BEND7: variants seen among roughly 807,000 people sequenced by gnomAD.
BEND7 encodes BEN domain-containing protein 7.
In BEND7, 28 loss-of-function variants were observed where a neutral mutation model predicts 50.9. That is an observed-to-expected ratio of 0.55 (90% CI 0.41 to 0.75). The LOEUF (loss-of-function observed/expected upper bound fraction) is 0.75. Among genes scored for constraint, BEND7 ranks in the 30% least tolerant of loss-of-function variants. The probability of loss-of-function intolerance (pLI) is 0.00; values close to 1 mark genes in which losing one functional copy is unlikely to be tolerated. For synonymous variants in BEND7, 170 were observed against 183.9 expected (o/e 0.92, Z 0.61); for missense variants, 477 against 491.3 (o/e 0.97, Z 0.28).
At chr10:13,504,202 G>A (rs754698953) in intron 2 of BEND7, among the ~76,000 whole-genome samples, 4 of 152,194 alleles carry the variant, frequency 2.6e-5, no homozygotes, top group Admixed American at 6.5e-5. Context: ...GTAGAAGCTC[G>A]TTGAGTGTGG....
intron 5 of BEND7, among the ~76,000 whole-genome samples, chr10:13,482,346 C>A (rs894974295): frequency 6.6e-6 from 1 of 152,166 alleles, no homozygotes; most frequent in African/African-American, 2.4e-5. Flanking sequence ...GGAAAAAAGT[C>A]TGAAGAAAAC....
Position 13,502,828 on chromosome 10 carries a change from G to A in BEND7, c.146-2748C>T, listed in dbSNP as rs148877088. ...GACCCCAGGCTCCCTGAACAGAGCA[G>A]CCATAGCCAGGCCACATGGGGCAGA... On this transcript the variant is annotated intron_variant, in intron 2 of 8. Coordinates refer to ENST00000466271, the MANE Select transcript of BEND7 (RefSeq NM_001369863.1). 5.7e-4 allele frequency: 506 copies of A among 882,936 alleles called. 3 individuals are homozygous for A. The African/African-American group carries it at 8.4e-3, about 15-fold the overall frequency. 54.7% of individuals were successfully genotyped at this position (882,936 alleles called of 1,614,324 possible).
intron 6 of BEND7, among the ~76,000 whole-genome samples, chr10:13,455,087 G>A (rs921904870): frequency 3.9e-5 from 6 of 151,920 alleles, no homozygotes; most frequent in Non-Finnish European, 5.9e-5. Context: ...TAGGAGAATC[G>A]CTTGAACCTG....
chr10:13,503,407 TA>T (rs1265114388), intron 2 of BEND7, among the ~76,000 whole-genome samples: 1 of 152,184 alleles, frequency 6.6e-6, no homozygotes, highest in Non-Finnish European at 1.5e-5. Flanking sequence ...TGGCATGTTT[TA>T]AAGGATGGAA....
At chr10:13,482,514 T>C (rs2131764017) in intron 5 of BEND7, among the ~76,000 whole-genome samples, 1 of 152,346 alleles carries the variant, frequency 6.6e-6, no homozygotes, top group South Asian at 2.1e-4. Flanking sequence ...TTTTTGATTT[T>C]GTCCTATCAC....
In BEND7 at chr10:13,452,604, C is replaced by G; in HGVS notation, c.1118G>C (p.Arg373Thr). ...ANHVDKLPGP[R>T]DWVQILQDQI... is the part of the protein sequence containing the mutation. The stretch of plus-strand genomic sequence containing the variant: ...ATCCTGTAGAATCTGTACCCAATCT[C>G]TTGGGCCAGGAAGCTTATCCACATG... The change falls in exon 7 of 9, where the codon AGA becomes ACA. Residue 373 changes from arginine to threonine, a missense_variant. By Grantham distance (71) the Arg-to-Thr change is moderately conservative. Transcript: ENST00000466271. 6.2e-7 allele frequency: 1 copy of G among 1,613,338 alleles called. No individual in the cohort carries two copies. The highest frequency in any genetic ancestry group is 1.1e-5 in the South Asian group (1 of 90,954).
At chr10:13,529,369 A>G (rs1187560956), upstream of BEND7, among the ~76,000 whole-genome samples, 1 of 151,690 alleles carries the variant, frequency 6.6e-6, no homozygotes, top group East Asian at 2.0e-4. Context: ...CCGCCCTCAC[A>G]TCCCGGGCGC....
At chr10:13,449,434 A>G (rs549297146) in intron 7 of BEND7, among the ~76,000 whole-genome samples, 1 of 152,328 alleles carries the variant, frequency 6.6e-6, no homozygotes, top group East Asian at 1.9e-4. Flanking sequence ...ATCTTAACAC[A>G]TAAGGAAAGT....
At chr10:13,523,525 A>G (rs1287633744) in intron 2 of BEND7, among the ~76,000 whole-genome samples, 1 of 152,234 alleles carries the variant, frequency 6.6e-6, no homozygotes, top group Non-Finnish European at 1.5e-5. Flanking sequence ...GAATGTAGAA[A>G]ATCCTATAGA....
chr10:13,449,270 T>C (rs1448653056), intron 7 of BEND7, among the ~76,000 whole-genome samples: 2 of 152,216 alleles, frequency 1.3e-5, no homozygotes, highest in Non-Finnish European at 2.9e-5. Flanking sequence ...CAGATGGTCT[T>C]CATGGTAGTT....
At chr10:13,450,401 G>A (rs1361681765) in intron 7 of BEND7, among the ~76,000 whole-genome samples, 4 of 152,190 alleles carry the variant, frequency 2.6e-5, no homozygotes, top group Non-Finnish European at 4.4e-5. Context: ...AGACCTCTCG[G>A]TTCCTATCGG....
intron 7 of BEND7, 47 bp from the exon 8 acceptor site, chr10:13,447,363 CA>C (rs1836596553): frequency 6.3e-7 from 1 of 1,592,616 alleles, no homozygotes; most frequent in Non-Finnish European, 8.6e-7. Context: ...TTCCAGGGAG[CA>C]CATTCATTTT....
chr10:13,485,258 G>A (rs2076141770), intron 5 of BEND7, among the ~76,000 whole-genome samples: 1 of 152,090 alleles, frequency 6.6e-6, no homozygotes. Flanking sequence ...TATTAGTAAG[G>A]TATTAATAAG....
chr10:13,509,741 G>A lies in BEND7; in HGVS notation c.146-9661C>T, dbSNP rs117886284. On this transcript the variant is annotated intron_variant, in intron 2 of 8. Transcript: ENST00000466271. The stretch of plus-strand genomic sequence containing the variant: ...ACGAAGCTTGAGGGCAGAGAGAAGT[G>A]AAGTGGGCAATGGCGAATCAGCGAA... Among the ~76,000 whole-genome samples the A allele has an allele frequency of 4.0e-3, 616 of 152,330 alleles. 1 individual carries two copies. Among genetic ancestry groups the A allele is most frequent in the Non-Finnish European group, 6.6e-3 (450 of 68,030 alleles).
At chr10:13,459,673 A>G (rs1839811190) in intron 6 of BEND7, 1 of 152,214 alleles carries the variant, frequency 6.6e-6, no homozygotes, top group South Asian at 2.1e-4. Context: ...CTCAGAAAAA[A>G]TTCAGACCTA....
intron 2 of BEND7, chr10:13,500,365 TGG>T (rs1344600521): frequency 2.1e-5 from 10 of 484,272 alleles, no homozygotes; most frequent in Non-Finnish European, 9.3e-6. Context: ...ATTCCCTCTT[TGG>T]AAGCATTTTC....
chr10:13,528,385 G>A, intron 1 of BEND7, 88 bp downstream of exon 1: 2 of 581,262 alleles, frequency 3.4e-6, no homozygotes, highest in East Asian at 1.4e-4. Flanking sequence ...GGGGGCTCCG[G>A]GAGGGCGCGC....
chr10:13,449,019 TA>T (rs1837095645), intron 7 of BEND7, among the ~76,000 whole-genome samples: 2 of 144,844 alleles, frequency 1.4e-5, no homozygotes, highest in African/African-American at 5.1e-5. Context: ...TTTAACAACA[TA>T]AAAATATTCA....
intron 2 of BEND7, chr10:13,502,763 G>T (rs145739246): frequency 3.9e-6 from 1 of 257,962 alleles, no homozygotes; most frequent in Non-Finnish European, 6.0e-6. Context: ...TCCATGCAGA[G>T]ACTAGCCTTC....
Sources: allele counts gnomAD v4.1 joint callset (sites outside exome capture counted in the v4.1 genomes callset), GRCh38; gene constraint gnomAD v4.1.1; transcripts MANE v1.5; gene names NCBI Gene and HGNC (gene_info 2026-07-23, HGNC 2026-07-21).